Variants in GRIA2 observed in about 807,000 individuals in gnomAD.
GRIA2 encodes glutamate receptor 2.
In GRIA2, 14 loss-of-function variants were observed where a neutral mutation model predicts 97.3. The ratio of observed to expected loss-of-function variants is 0.14; its 90% CI spans 0.10 to 0.23. GRIA2 has a LOEUF of 0.23. GRIA2 is among the 10% of genes least tolerant of loss of function. GRIA2 has a pLI of 1.00. For synonymous variants in GRIA2, 412 were observed against 387.8 expected (o/e 1.06, Z -0.73); for missense variants, 558 against 1,069.8 (o/e 0.52, Z 6.67).
chr4:157,264,156 T>C (rs985427445), intron 2 of GRIA2, among the ~76,000 whole-genome samples: 1 of 152,110 alleles, frequency 6.6e-6, no homozygotes, highest in African/African-American at 2.4e-5. Flanking sequence ...TTGGGTAATG[T>C]ATTGGCTTTC....
chr4:157,355,907 A>ATATATTAATATATTTATATATAAATG (rs1560781043), intron 12 of GRIA2, among the ~76,000 whole-genome samples: 1 of 62,576 alleles, frequency 1.6e-5, no homozygotes, highest in Non-Finnish European at 3.0e-5. Flanking sequence ...ATATAAATAT[A>ATATATTAATATATTTATATATAAATG]TATATATTAA....
rs376029275 is a variant in GRIA2 at position 157,281,432 on chromosome 4, C to T, written c.230-22120C>T. On this transcript the variant is annotated intron_variant, in intron 2 of 15. Transcript: ENST00000264426. ...ATTTCCCATAAAAAATCATTTTGAA[C>T]TATTTGTATGCATTTTAGTTCTAGC... Among the ~76,000 whole-genome samples, 67 of 152,048 alleles carry T rather than the reference C, an allele frequency of 4.4e-4. 2 individuals are homozygous for T. The East Asian group carries it at 5.8e-3, about 13-fold the overall frequency.
At chr4:157,336,009 T>G in intron 10 of GRIA2, 132 bp downstream of exon 10, 1 of 692,450 alleles carries the variant, frequency 1.4e-6, no homozygotes, top group Non-Finnish European at 2.6e-6. Flanking sequence ...ATTATCTTGT[T>G]GATTTGTGAA....
intron 10 of GRIA2, 135 bp downstream of exon 10, chr4:157,336,012 T>G: frequency 1.5e-6 from 1 of 685,278 alleles, no homozygotes; most frequent in Admixed American, 2.3e-5. Context: ...ATCTTGTTGA[T>G]TTGTGAACAT....
At chr4:157,293,489 G>A (rs888158619) in intron 2 of GRIA2, among the ~76,000 whole-genome samples, 2 of 152,028 alleles carry the variant, frequency 1.3e-5, no homozygotes, top group South Asian at 2.1e-4. Flanking sequence ...AACCAGAAAC[G>A]CACAAACAAA....
At chr4:157,338,057 C>T (rs61603408) in intron 11 of GRIA2, among the ~76,000 whole-genome samples, 6,784 of 44,618 alleles carry the variant, frequency 0.15, 622 homozygotes, top group East Asian at 0.26. Context: ...TATACACACA[C>T]ATTTTTTTTA....
Position 157,264,969 on chromosome 4 carries a change from CAG to C in GRIA2, c.230-38578_230-38577del, listed in dbSNP as rs576898524. On this transcript the variant is annotated intron_variant, in intron 2 of 15. Coordinates refer to ENST00000264426, the MANE Select transcript of GRIA2 (RefSeq NM_001083619.3). Reference sequence around the variant, plus strand: ...CTTCTCAGATAATTAAACTGAGACACAGAGAGTTTTTGCAACATTTCCTGATC... The same window carrying C: ...CTTCTCAGATAATTAAACTGAGACACAGAGTTTTTGCAACATTTCCTGATC... Among the ~76,000 whole-genome samples the C allele has an allele frequency of 1.7e-3, 255 of 152,136 alleles. 1 individual carries two copies. The highest frequency in any genetic ancestry group is 6.0e-3 in the African/African-American group (248 of 41,534).
intron 2 of GRIA2, among the ~76,000 whole-genome samples, chr4:157,235,776 G>C (rs527253187): frequency 1.3e-5 from 2 of 151,830 alleles, no homozygotes; most frequent in Non-Finnish European, 2.9e-5. Context: ...CTTCAAATCA[G>C]TTTAAACTGG....
intron 2 of GRIA2, among the ~76,000 whole-genome samples, chr4:157,302,599 A>G (rs918032496): frequency 6.6e-5 from 10 of 152,196 alleles, no homozygotes; most frequent in Admixed American, 5.2e-4. Context: ...CTCAAAAGTT[A>G]TCATGAGAAA....
At chr4:157,236,583 T>A (rs1304011803) in intron 2 of GRIA2, among the ~76,000 whole-genome samples, 1 of 152,134 alleles carries the variant, frequency 6.6e-6, no homozygotes, top group East Asian at 1.9e-4. Context: ...TGGAATAACT[T>A]GTAGTCAAAA....
intron 2 of GRIA2, 110 bp downstream of exon 2, chr4:157,221,917 T>C: frequency 9.9e-7 from 1 of 1,013,414 alleles, no homozygotes; most frequent in Non-Finnish European, 1.5e-6. Context: ...TGTGTCAGTG[T>C]GTGGGTGTGA....
intron 2 of GRIA2, among the ~76,000 whole-genome samples, chr4:157,254,259 A>T (rs1178644682): frequency 6.6e-6 from 1 of 152,078 alleles, no homozygotes; most frequent in African/African-American, 2.4e-5. Flanking sequence ...TGTGTACTAT[A>T]AGAACGTATA....
At position 157,330,050 on chromosome 4, in the gene GRIA2, G is replaced by A. The variant is rs949111750; in HGVS notation, c.883-2769G>A. ...TGGCATAGGGTTTTTTAGACTTACT[G>A]GGAAACTGTCTACCTCAGGCTTGTC... On this transcript the variant is annotated intron_variant, in intron 6 of 15. Coordinates refer to ENST00000264426, the MANE Select transcript of GRIA2 (RefSeq NM_001083619.3). Among the ~76,000 whole-genome samples, 3 of 151,848 alleles carry A rather than the reference G, an allele frequency of 2.0e-5. No individual in the cohort carries two copies. In the South Asian group the frequency reaches 6.2e-4, roughly 32 times the overall value.
intron 11 of GRIA2, among the ~76,000 whole-genome samples, chr4:157,338,397 C>T (rs894874797): frequency 2.0e-5 from 3 of 151,798 alleles, no homozygotes; most frequent in African/African-American, 4.8e-5. Context: ...TAGATGCCTG[C>T]GCCTGGGCAT....
intron 2 of GRIA2, among the ~76,000 whole-genome samples, chr4:157,284,799 TA>T (rs1401774929): frequency 1.3e-5 from 2 of 151,776 alleles, no homozygotes; most frequent in African/African-American, 4.8e-5. Context: ...TCTACATCAT[TA>T]TTTTCACTGC....
In GRIA2 at chr4:157,298,611, C is replaced by CTTTTTTTT. The variant is rs67497887; in HGVS notation, c.230-4921_230-4914dup. 1.5e-4 allele frequency among the ~76,000 whole-genome samples: 5 copies of CTTTTTTTT among 34,314 alleles called. 2 individuals carry two copies. Among genetic ancestry groups the CTTTTTTTT allele is most frequent in the African/African-American group, 2.4e-4 (2 of 8,274 alleles). The allele number at this position is 34,314 out of a possible 152,430, so 22.5% of individuals were successfully genotyped here. ...TGGAAGGTGACAGATTGAAGCTAAG[C>CTTTTTTTT]TTTTTTTTTTTTTTTTTTTTTTTTT... On this transcript the variant is annotated intron_variant, in intron 2 of 15. Coordinates refer to ENST00000264426, the MANE Select transcript of GRIA2 (RefSeq NM_001083619.3).
chr4:157,284,456 T>A (rs1579331260), intron 2 of GRIA2, among the ~76,000 whole-genome samples: 1 of 151,526 alleles, frequency 6.6e-6, no homozygotes, highest in Non-Finnish European at 1.5e-5. Flanking sequence ...AATCATTTTA[T>A]TAAATATGTC....
At chr4:157,323,823 T>C (rs760430105) in intron 6 of GRIA2, among the ~76,000 whole-genome samples, 2 of 152,202 alleles carry the variant, frequency 1.3e-5, no homozygotes, top group African/African-American at 2.4e-5. Context: ...GTTGAGAACC[T>C]GCATTGTGAC....
chr4:157,279,220 G>A (rs1732485351), intron 2 of GRIA2, among the ~76,000 whole-genome samples: 1 of 152,094 alleles, frequency 6.6e-6, no homozygotes, highest in African/African-American at 2.4e-5. Flanking sequence ...CCTTCAGTAG[G>A]TGAATGGATA....
Sources: gnomAD v4.1 joint callset for allele counts (sites outside exome capture counted in the v4.1 genomes callset) on GRCh38, gnomAD v4.1.1 for gene constraint, MANE v1.5 for transcripts, NCBI Gene and HGNC (gene_info 2026-07-23, HGNC 2026-07-21) for gene names.